The following ZNF267 variants were observed in gnomAD, a reference collection of about 807,000 sequenced individuals.
ZNF267 encodes zinc finger (C2H2).
ZNF267 carries 61 observed loss-of-function variants against 71.6 expected under a neutral mutation model. That is an observed-to-expected ratio of 0.85 (90% confidence interval 0.69 to 1.05). ZNF267 has a LOEUF of 1.05. ZNF267 is among the 50% of genes least tolerant of loss of function. The pLI is 0.00. For missense variants in ZNF267, 852 were observed against 870.0 expected, an observed-to-expected ratio of 0.98 and a Z score of 0.26; for synonymous variants, 288 against 293.2, an observed-to-expected ratio of 0.98 and a Z score of 0.18.
At chr16:31,890,878 T>A (rs2083955669) in intron 3 of ZNF267, among the ~76,000 whole-genome samples, 1 of 152,248 alleles carries the variant, frequency 6.6e-6, no homozygotes, top group African/African-American at 2.4e-5. Context: ...GCTATTAAAT[T>A]TTATCCTAAA....
At chr16:31,901,730 C>T (rs1214931423) in intron 3 of ZNF267, among the ~76,000 whole-genome samples, 2 of 152,064 alleles carry the variant, frequency 1.3e-5, no homozygotes, top group African/African-American at 4.8e-5. Context: ...AAAATTTTCT[C>T]CCATTCTGTA....
Position 31,915,152 on chromosome 16 carries a change from T to C in ZNF267, c.903T>C (p.Asp301=), listed in dbSNP as rs747500572. The part of the protein sequence containing the change: ...RENSYSYNKY[D]KDLSQSSNLR... ...ACTCATATAGCTATAACAAATATGA[T>C]AAAGATCTTAGTCAGTCATCAAATC... Residue 301 remains aspartate (D), a synonymous_variant, in exon 4 of 4, where the codon GAT becomes GAC. Transcript: ENST00000300870. The C allele has an allele frequency of 3.1e-6, 5 of 1,612,924 alleles. No individual in the cohort carries two copies. The South Asian group carries it at 5.5e-5, about 18-fold the overall frequency.
rs1373853696 is a variant in ZNF267 at position 31,900,078 on chromosome 16, CA to C, written c.227-14396del. On this transcript the variant is annotated intron_variant, in intron 3 of 3. Transcript: ENST00000300870. Reference sequence around the variant, plus strand: ...TGTGTGTGTAGTGTATTCATTTCCACAAGATACTGAAAATTTTGTGTCATCT... The same window carrying C: ...TGTGTGTGTAGTGTATTCATTTCCACAGATACTGAAAATTTTGTGTCATCT... Among the ~76,000 whole-genome samples the C allele has an allele frequency of 2.0e-5, 3 of 151,388 alleles. No homozygotes were observed. In the East Asian group the frequency reaches 5.8e-4, roughly 29 times the overall value.
At chr16:31,881,670 C>CTTTT (rs747627467) in intron 1 of ZNF267, among the ~76,000 whole-genome samples, 53 of 125,498 alleles carry the variant, frequency 4.2e-4, no homozygotes, top group African/African-American at 8.9e-4. Context: ...TTTTCTTCTT[C>CTTTT]TTTTTTTTTT....
At chr16:31,890,039 G>C (rs2083949520) in intron 3 of ZNF267, among the ~76,000 whole-genome samples, 1 of 151,980 alleles carries the variant, frequency 6.6e-6, no homozygotes, top group Non-Finnish European at 1.5e-5. Context: ...TCTATTTTTG[G>C]TTTAACATAT....
intron 3 of ZNF267, among the ~76,000 whole-genome samples, chr16:31,911,688 C>T (rs1336401378): frequency 6.7e-6 from 1 of 150,122 alleles, no homozygotes; most frequent in African/African-American, 2.5e-5. Context: ...AGTATGTGTT[C>T]ACTCCTGCCA....
chr16:31,903,317 G>A (rs1207031004), intron 3 of ZNF267, among the ~76,000 whole-genome samples: 1 of 152,096 alleles, frequency 6.6e-6, no homozygotes, highest in Non-Finnish European at 1.5e-5. Context: ...GAGTTAGGGA[G>A]GGATTCCCTC....
At chr16:31,877,783 A>G (rs1382653194) in intron 1 of ZNF267, among the ~76,000 whole-genome samples, 12 of 151,560 alleles carry the variant, frequency 7.9e-5, no homozygotes, top group Admixed American at 1.3e-4. Flanking sequence ...AATCACAGCT[A>G]TTTACCAGGT....
rs544987754 is a variant in ZNF267 at position 31,882,795 on chromosome 16, C to T, written c.4-1703C>T. ...TGGTACCAATTTGTCTTATTACAGA[C>T]GATGCTAACTTCATTCACTTGGTGC... is the stretch of plus-strand genomic sequence containing the variant. On this transcript the variant is annotated intron_variant, in intron 1 of 3. Coordinates refer to ENST00000300870, the MANE Select transcript of ZNF267 (RefSeq NM_003414.6). Among the ~76,000 whole-genome samples, 103 of 152,310 alleles carry T rather than the reference C, an allele frequency of 6.8e-4. No homozygotes were observed. The South Asian group carries it at 0.013, about 19-fold the overall frequency.
At chr16:31,881,779 G>GC (rs1170458813) in intron 1 of ZNF267, among the ~76,000 whole-genome samples, 2 of 146,564 alleles carry the variant, frequency 1.4e-5, no homozygotes, top group East Asian at 4.1e-4. Context: ...TGATTCTCCT[G>GC]CCTCAGCCTC....
rs746326702 is a variant in ZNF267, at chr16:31,916,258, A to G, written c.2009A>G (p.Asn670Ser). 2.5e-6 allele frequency: 4 copies of G among 1,613,652 alleles called. No individual in the cohort carries two copies. Among genetic ancestry groups the G allele is most frequent in the Non-Finnish European group, 3.4e-6 (4 of 1,179,926 alleles). The change falls in exon 4 of 4, where the codon AAC (asparagine) becomes AGC (serine). Residue 670 changes from asparagine to serine, a missense_variant. Asn to Ser is a conservative substitution (Grantham distance 46). Coordinates refer to ENST00000300870, the MANE Select transcript of ZNF267 (RefSeq NM_003414.6). ...YKCEECGKAF[N>S]SRSYLTTHRR... ...TGTGAAGAATGTGGCAAAGCCTTCA[A>G]CTCTAGGTCATACCTCACTACACAT...
chr16:31,910,160 A>ATGTTG (rs2084125066), intron 3 of ZNF267, among the ~76,000 whole-genome samples: 84 of 152,100 alleles, frequency 5.5e-4, no homozygotes, highest in African/African-American at 1.7e-3. Flanking sequence ...TCTGTTTGCT[A>ATGTTG]ACACTTTGTT....
chr16:31,909,128 T>C (rs1474975930), intron 3 of ZNF267, among the ~76,000 whole-genome samples: 15 of 124,632 alleles, frequency 1.2e-4, no homozygotes, highest in Non-Finnish European at 2.4e-4. Context: ...TTCTTTTTTT[T>C]TTTTTTTTTT....
intron 3 of ZNF267, among the ~76,000 whole-genome samples, chr16:31,895,543 C>G (rs1266971277): frequency 6.6e-6 from 1 of 152,158 alleles, no homozygotes; most frequent in Non-Finnish European, 1.5e-5. Flanking sequence ...GAGGAATCTT[C>G]ATACCATTTT....
intron 3 of ZNF267, among the ~76,000 whole-genome samples, chr16:31,888,934 A>G (rs1336490770): frequency 1.3e-5 from 2 of 151,926 alleles, no homozygotes; most frequent in South Asian, 2.1e-4. Flanking sequence ...TCATTTGGTC[A>G]TGGGATTTTT....
intron 3 of ZNF267, chr16:31,890,206 G>A (rs1165321778): frequency 2.0e-5 from 3 of 151,992 alleles, no homozygotes; most frequent in Non-Finnish European, 4.4e-5. Context: ...GTTGTAAATA[G>A]GACATTGAAG....
intron 3 of ZNF267, among the ~76,000 whole-genome samples, chr16:31,900,244 A>G (rs1325866724): frequency 1.3e-5 from 2 of 152,272 alleles, no homozygotes; most frequent in East Asian, 1.9e-4. Flanking sequence ...AGTATTCTAT[A>G]TACTATTATT....
intron 3 of ZNF267, among the ~76,000 whole-genome samples, chr16:31,908,230 C>T (rs1305360856): frequency 6.6e-6 from 1 of 152,004 alleles, no homozygotes; most frequent in Admixed American, 6.6e-5. Flanking sequence ...AAATCTTGTG[C>T]CCATTTTTGA....
At chr16:31,876,831 G>A (rs2083855739) in intron 1 of ZNF267, among the ~76,000 whole-genome samples, 2 of 152,200 alleles carry the variant, frequency 1.3e-5, no homozygotes, top group Non-Finnish European at 2.9e-5. Context: ...TCTTGAGCCT[G>A]CAAGAAGAGG....
Sources: allele counts gnomAD v4.1 joint callset (sites outside exome capture counted in the v4.1 genomes callset), GRCh38; gene constraint gnomAD v4.1.1; transcripts MANE v1.5; gene names NCBI Gene and HGNC (gene_info 2026-07-23, HGNC 2026-07-21).